SEMA3F: variants seen among roughly 807,000 people sequenced by gnomAD.
The protein encoded by SEMA3F is semaphorin 3F.
In SEMA3F, 30 loss-of-function variants were observed where a neutral mutation model predicts 98.5. That is an observed-to-expected ratio of 0.30 (90% CI 0.23 to 0.41). The LOEUF (loss-of-function observed/expected upper bound fraction) is 0.41. SEMA3F is among the 10% of genes least tolerant of loss of function. SEMA3F has a pLI of 1.00. For missense variants in SEMA3F, 866 were observed against 1,119.3 expected, an observed-to-expected ratio of 0.77 and a Z score of 3.23; for synonymous variants, 380 against 444.8, an observed-to-expected ratio of 0.85 and a Z score of 1.83.
chr3:50,179,561 A>T (rs1478729642), intron 7 of SEMA3F, among the ~76,000 whole-genome samples: 7 of 152,106 alleles, frequency 4.6e-5, no homozygotes, highest in Non-Finnish European at 8.8e-5. Context: ...CCTGACCTAA[A>T]GTGTTCCTCC....
intron 7 of SEMA3F, among the ~76,000 whole-genome samples, chr3:50,179,862 G>A (rs143349993): frequency 2.5e-3 from 385 of 152,308 alleles, no homozygotes; most frequent in African/African-American, 8.5e-3. Flanking sequence ...TAGAATTGAA[G>A]ACAGTTAGGG....
intron 2 of SEMA3F, among the ~76,000 whole-genome samples, chr3:50,169,613 G>A (rs1418730623): frequency 6.6e-6 from 1 of 152,154 alleles, no homozygotes; most frequent in African/African-American, 2.4e-5. Context: ...AGCTTATCTG[G>A]GCTGGAGTCC....
Position 50,184,691 on chromosome 3 carries a change from G to A in SEMA3F, c.1333G>A (p.Val445Met), listed in dbSNP as rs1480659538. 11 of 1,614,124 alleles carry A rather than the reference G, an allele frequency of 6.8e-6. No individual in the cohort carries two copies. Among genetic ancestry groups the A allele is most frequent in the Admixed American group, 3.3e-5 (2 of 60,020 alleles). ...MRSHPLMYQA[V>M]YPLQRRPLVV... ...CAGCCACCCACTCATGTACCAGGCC[G>A]TGTACCCTCTGCAGCGGCGGCCCCT... Residue 445 changes from valine to methionine, a missense_variant, in exon 13 of 19, where the codon GTG becomes ATG. Transcript: ENST00000002829.
intron 2 of SEMA3F, among the ~76,000 whole-genome samples, chr3:50,171,765 G>A (rs549345523): frequency 5.4e-4 from 82 of 152,244 alleles, no homozygotes; most frequent in African/African-American, 1.9e-3. Flanking sequence ...CAACAGGTGC[G>A]GGACAGGTGC....
At chr3:50,184,417 G>A (rs1177260311) in intron 12 of SEMA3F, 175 bp from the exon 13 acceptor site, 3 of 606,984 alleles carry the variant, frequency 4.9e-6, no homozygotes, top group Non-Finnish European at 8.8e-6. Flanking sequence ...TGGGACCTTG[G>A]CCAGAGCAGG....
intron 4 of SEMA3F, 52 bp from the exon 5 acceptor site, chr3:50,174,179 T>C: frequency 6.2e-7 from 1 of 1,612,972 alleles, no homozygotes; most frequent in African/African-American, 1.3e-5. Context: ...CTGCCCCCAG[T>C]GAGGGGGCAG....
In SEMA3F at chr3:50,181,713, C is replaced by T. The variant is rs1575403636; in HGVS notation, c.644-571C>T. ...CTCGCTCACTGCAACCTCCGCCTCC[C>T]TGGTTCAAGCAATTCTCCTGCCTCA... is the stretch of plus-strand genomic sequence containing the variant. On this transcript the variant is annotated intron_variant, in intron 7 of 18. Coordinates refer to ENST00000002829, the MANE Select transcript of SEMA3F (RefSeq NM_004186.5). Among the ~76,000 whole-genome samples the T allele has an allele frequency of 5.9e-5, 9 of 152,106 alleles. 2 individuals carry two copies.
At chr3:50,176,666 G>A in intron 6 of SEMA3F, 102 bp from the exon 7 acceptor site, 1 of 831,938 alleles carries the variant, frequency 1.2e-6, no homozygotes, top group East Asian at 2.4e-5. Flanking sequence ...TGGGCTCGGG[G>A]TATGCCTGGG....
intron 2 of SEMA3F, among the ~76,000 whole-genome samples, chr3:50,169,606 T>G (rs1698528638): frequency 6.6e-6 from 1 of 152,088 alleles, no homozygotes; most frequent in Non-Finnish European, 1.5e-5. Context: ...AGGTCAAAGC[T>G]TATCTGGGCT....
chr3:50,174,702 C>T (rs1387260006), intron 5 of SEMA3F, among the ~76,000 whole-genome samples: 1 of 152,216 alleles, frequency 6.6e-6, no homozygotes, highest in Non-Finnish European at 1.5e-5. Context: ...GGGGGCCTTG[C>T]AATAGGAGGC....
chr3:50,174,496 TCA>T (rs1698733590), intron 5 of SEMA3F, 146 bp downstream of exon 5: 1 of 984,378 alleles, frequency 1.0e-6, no homozygotes, highest in African/African-American at 1.6e-5. Flanking sequence ...TCGCTGAGCC[TCA>T]GTTTCTTCAC....
In SEMA3F at chr3:50,159,644, C is replaced by T. The variant is rs1348779703; in HGVS notation, c.22C>T (p.Leu8Phe). 1.9e-6 allele frequency: 3 copies of T among 1,612,030 alleles called. No individual in the cohort carries two copies. Among genetic ancestry groups the T allele is most frequent in the Non-Finnish European group, 2.5e-6 (3 of 1,179,078 alleles). MLVAGLL[L>F]WASLLTGAWP... ...CACAATGCTTGTCGCCGGTCTTCTT[C>T]TCTGGGCTTCCCTACTGACCGGGGC... Residue 8 changes from leucine to phenylalanine, a missense_variant, in exon 2 of 19, where the codon CTC (leucine) becomes TTC (phenylalanine). Around this residue, in one of 3 missense-constraint regions of SEMA3F, gnomAD observed 247 missense variants for 276.0 expected, o/e 0.89. Coordinates refer to ENST00000002829, the MANE Select transcript of SEMA3F (RefSeq NM_004186.5).
intron 12 of SEMA3F, 74 bp from the exon 13 acceptor site, chr3:50,184,518 C>T: frequency 1.9e-6 from 2 of 1,060,798 alleles, no homozygotes; most frequent in Admixed American, 1.8e-5. Context: ...AGTGCAGCGG[C>T]CTCTTCTGAA....
rs1230671876 is a variant in SEMA3F at position 50,158,044 on chromosome 3, G to T, written c.-48-1531G>T. On this transcript the variant is annotated intron_variant, in intron 1 of 18. Transcript: ENST00000002829. The surrounding 1 kb of genome is among the most constrained non-coding windows in gnomAD (Gnocchi z 4.8). ...TAAGGACGTGTGTGGGCCTGCAAGTGTGAACGTGTGCATATCCACAGCTGT... is the reference window on the plus strand; with the variant it reads ...TAAGGACGTGTGTGGGCCTGCAAGTTTGAACGTGTGCATATCCACAGCTGT... Among the ~76,000 whole-genome samples, 4 of 152,236 alleles carry T rather than the reference G, an allele frequency of 2.6e-5. No individual in the cohort carries two copies. Among genetic ancestry groups the T allele is most frequent in the African/African-American group, 9.6e-5 (4 of 41,466 alleles).
rs1190276583 is a variant in SEMA3F, at chr3:50,184,448, G to C, written c.1234-144G>C. On this transcript the variant is annotated intron_variant, in intron 12 of 18. Transcript: ENST00000002829. ...GCAGGACCTGTAGAGGTCAGGTGCA[G>C]GGCAGAAACTTGGAGAGCGGGTTTG... is the stretch of plus-strand genomic sequence containing the variant. 10 of 663,766 alleles carry C rather than the reference G, an allele frequency of 1.5e-5. No individual in the cohort carries two copies. The African/African-American group carries it at 1.6e-4, about 11-fold the overall frequency. The allele number at this position is 663,766 out of a possible 1,614,324, so 41.1% of individuals were successfully genotyped here.
At chr3:50,173,755 C>T in intron 2 of SEMA3F, 38 bp from the exon 3 acceptor site, 1 of 1,601,416 alleles carries the variant, frequency 6.2e-7, no homozygotes, top group Non-Finnish European at 8.5e-7. Context: ...GGATGGTTTC[C>T]TGAAGGTCCT....
chr3:50,183,735 G>C (rs1699104264), intron 12 of SEMA3F, 171 bp downstream of exon 12: 2 of 692,450 alleles, frequency 2.9e-6, no homozygotes, highest in Non-Finnish European at 4.8e-6. Context: ...CTGTGGAGGA[G>C]CCCAGATGGG....
At chr3:50,186,146 T>C (rs1699202098) in intron 16 of SEMA3F, 100 bp downstream of exon 16, 1 of 1,471,062 alleles carries the variant, frequency 6.8e-7, no homozygotes. Context: ...GCATGTGATA[T>C]TACCCTAGGG....
Position 50,184,771 on chromosome 3 carries a change from G to A in SEMA3F, c.1413G>A (p.Val471=). 1 of 1,614,106 alleles carries A rather than the reference G, an allele frequency of 6.2e-7. No homozygotes were observed. The highest frequency in any genetic ancestry group is 8.5e-7 in the Non-Finnish European group (1 of 1,179,980). The change falls in exon 13 of 19, where the codon GTG becomes GTA. Residue 471 remains valine (V), a synonymous_variant. Coordinates refer to ENST00000002829, the MANE Select transcript of SEMA3F (RefSeq NM_004186.5). ...TTACCACTATTGCCGTGGACCAGGT[G>A]GATGCAGCCGACGGGCGCTATGAGG... ...YRLTTIAVDQ[V]DAADGRYEVL...
Sources: gnomAD v4.1 joint callset for allele counts (sites outside exome capture counted in the v4.1 genomes callset) on GRCh38, gnomAD v4.1.1 for gene constraint, gnomAD v4.1.1 regional missense constraint, Gnocchi (gnomAD v3.1) non-coding constraint, MANE v1.5 for transcripts, NCBI Gene and HGNC (gene_info 2026-07-23, HGNC 2026-07-21) for gene names.